The following FLNB variants were observed in gnomAD, a reference collection of about 807,000 sequenced individuals.
FLNB encodes the protein filamin-B.
In FLNB, 111 loss-of-function variants were observed where a neutral mutation model predicts 250.6. The ratio of observed to expected loss-of-function variants is 0.44; its 90% CI spans 0.38 to 0.52. FLNB has a LOEUF of 0.52. FLNB is among the 20% of genes least tolerant of loss of function. The probability of loss-of-function intolerance (pLI) is 0.00; values close to 1 mark genes in which losing one functional copy is unlikely to be tolerated. For synonymous variants in FLNB, 1,302 were observed against 1,372.1 expected (o/e 0.95, Z 1.13); for missense variants, 2,869 against 3,447.8 (o/e 0.83, Z 4.20).
chr3:58,034,933 A>G (rs192845184), intron 1 of FLNB, among the ~76,000 whole-genome samples: 1 of 152,280 alleles, frequency 6.6e-6, no homozygotes, highest in African/African-American at 2.4e-5. Context: ...GGACCAGCCT[A>G]TGTCACCTGC....
At position 58,154,506 on chromosome 3, in the gene FLNB, C is replaced by G. The variant is rs151185127; in HGVS notation, c.6635-285C>G. 480 of 377,032 alleles carry G rather than the reference C, an allele frequency of 1.3e-3. 4 individuals carry two copies. Among genetic ancestry groups the G allele is most frequent in the Non-Finnish European group, 9.3e-4 (186 of 200,138 alleles). The allele number at this position is 377,032 out of a possible 1,614,324, so 23.4% of individuals were successfully genotyped here. A position where few individuals can be genotyped will look rare whatever the true frequency, so the allele number is the denominator to read the frequency against. On this transcript the variant is annotated intron_variant, in intron 39 of 45. Transcript: ENST00000295956. ...CTTGCAGTGAGCTGAGATTGCACCACTGCACTCCAGCCTGGGCAGCAGAGC... is the reference window on the plus strand; with the variant it reads ...CTTGCAGTGAGCTGAGATTGCACCAGTGCACTCCAGCCTGGGCAGCAGAGC...
intron 4 of FLNB, among the ~76,000 whole-genome samples, chr3:58,091,928 A>C (rs2097228301): frequency 6.6e-6 from 1 of 152,232 alleles, no homozygotes; most frequent in African/African-American, 2.4e-5. Flanking sequence ...TTTTACAGTT[A>C]AGAGGATGAA....
chr3:58,141,628 G>A (rs1308717306), intron 29 of FLNB, among the ~76,000 whole-genome samples: 1 of 152,216 alleles, frequency 6.6e-6, no homozygotes, highest in South Asian at 2.1e-4. Context: ...GCCAGCTTAG[G>A]TCTGCGTGCT....
At chr3:58,133,182 GTATTA>G (rs2097310491) in intron 26 of FLNB, among the ~76,000 whole-genome samples, 1 of 152,128 alleles carries the variant, frequency 6.6e-6, no homozygotes, top group African/African-American at 2.4e-5. Context: ...GAGGCAGCAA[GTATTA>G]CATAGAACCT....
intron 27 of FLNB, among the ~76,000 whole-genome samples, chr3:58,135,430 A>G (rs957511459): frequency 6.6e-6 from 1 of 152,148 alleles, no homozygotes; most frequent in Non-Finnish European, 1.5e-5. Context: ...TCACATCCAC[A>G]TGGCAGGCCA....
intron 1 of FLNB, among the ~76,000 whole-genome samples, chr3:58,010,579 C>T (rs535299086): frequency 6.6e-6 from 1 of 152,210 alleles, no homozygotes; most frequent in Non-Finnish European, 1.5e-5. Context: ...CTTTACCATT[C>T]AGAAACCAGC....
chr3:58,129,037 G>A (rs571048085), intron 24 of FLNB, among the ~76,000 whole-genome samples: 6 of 152,184 alleles, frequency 3.9e-5, no homozygotes, highest in African/African-American at 4.8e-5. Flanking sequence ...GGGTACTGCC[G>A]GGAAACAGTC....
At chr3:58,046,396 A>G (rs1385132477) in intron 1 of FLNB, among the ~76,000 whole-genome samples, 1 of 152,088 alleles carries the variant, frequency 6.6e-6, no homozygotes. Context: ...CTTTTAAAGT[A>G]TGCAATTTTT....
chr3:58,167,303 G>A (rs1003966965), intron 43 of FLNB, among the ~76,000 whole-genome samples: 5 of 151,818 alleles, frequency 3.3e-5, no homozygotes, highest in Admixed American at 6.5e-5. Flanking sequence ...ATGAGGTTGA[G>A]ATAGTGTTGG....
intron 1 of FLNB, among the ~76,000 whole-genome samples, chr3:58,056,022 A>G (rs1014157670): frequency 4.6e-5 from 7 of 151,702 alleles, no homozygotes; most frequent in African/African-American, 1.4e-4. Flanking sequence ...CTGCTAATAC[A>G]CCTGTGTTTT....
Position 58,078,754 on chromosome 3 carries a change from G to C in FLNB, c.579G>C (p.Lys193Asn), listed in dbSNP as rs1382369943. Residue 193 changes from lysine (K) to asparagine (N), a missense_variant, in exon 3 of 46, where the codon AAG becomes AAC. Lys to Asn is a moderately conservative substitution (Grantham distance 94). This residue lies in a region of FLNB where 308 missense variants were observed against 466.1 expected (regional missense o/e 0.66). Transcript: ENST00000295956. ...ACTGGGAATCCTGGGACCCGCAGAAGCCTGTGGATAATGCACGAGAAGCCA... is the reference window on the plus strand; with the variant it reads ...ACTGGGAATCCTGGGACCCGCAGAACCCTGTGGATAATGCACGAGAAGCCA... The part of the protein sequence containing the change: ...CPDWESWDPQ[K>N]PVDNAREAMQ... The C allele has an allele frequency of 6.2e-7, 1 of 1,613,862 alleles. No homozygotes were observed. The highest frequency in any genetic ancestry group is 8.5e-7 in the Non-Finnish European group (1 of 1,179,984).
chr3:58,162,828 G>A (rs752771548), intron 42 of FLNB: 12 of 329,598 alleles, frequency 3.6e-5, no homozygotes, highest in Non-Finnish European at 6.9e-5. Context: ...GATTCATCTC[G>A]TGACAGGATT....
rs745886230 is a variant in FLNB at position 58,077,132 on chromosome 3, G to GTGTGGGAGGA, written c.382_391dup (p.Glu131ValfsTer4). The GTGTGGGAGGA allele has an allele frequency of 6.2e-7, 1 of 1,614,154 alleles. No individual in the cohort carries two copies. Among genetic ancestry groups the GTGTGGGAGGA allele is most frequent in the Non-Finnish European group, 8.5e-7 (1 of 1,180,026 alleles). ...CCTCCACTACTCCATCTCCATGCCCGTGTGGGAGGATGAAGGGGATGATGA... is the reference window on the plus strand; with the variant it reads ...CCTCCACTACTCCATCTCCATGCCCGTGTGGGAGGATGTGGGAGGATGAAGGGGATGATGA... On this transcript the variant is annotated frameshift_variant, in exon 2 of 46. Coordinates refer to ENST00000295956, the MANE Select transcript of FLNB (RefSeq NM_001457.4). LOFTEE classifies it high-confidence loss of function.
intron 1 of FLNB, among the ~76,000 whole-genome samples, chr3:58,055,401 CGTG>C (rs1288405626): frequency 2.0e-5 from 3 of 152,118 alleles, no homozygotes; most frequent in Non-Finnish European, 4.4e-5. Context: ...GAGGATAACT[CGTG>C]GTGGTGGGCG....
intron 8 of FLNB, 106 bp downstream of exon 8, chr3:58,099,014 C>G (rs1451882376): frequency 1.2e-5 from 11 of 945,506 alleles, no homozygotes; most frequent in Non-Finnish European, 1.9e-5. Context: ...GACCTTATGC[C>G]TATCCCTTTT....
rs886058766 is a variant in FLNB at position 58,163,197 on chromosome 3, C to T, written c.7065C>T (p.His2355=). ...TCATCCCTCATGAGAATGGTGTCCACACCATCGATGTCAAGTTCAATGGGA... is the reference window on the plus strand; with the variant it reads ...TCATCCCTCATGAGAATGGTGTCCATACCATCGATGTCAAGTTCAATGGGA... ...VRFIPHENGV[H]TIDVKFNGSH... The change falls in exon 43 of 46, where the codon CAC becomes CAT. Residue 2355 remains histidine, a synonymous_variant. Transcript: ENST00000295956. 19 of 1,614,234 alleles carry T rather than the reference C, an allele frequency of 1.2e-5. No individual in the cohort carries two copies. Among genetic ancestry groups the T allele is most frequent in the Non-Finnish European group, 1.4e-5 (17 of 1,180,034 alleles).
chr3:58,168,368 C>A, intron 43 of FLNB, 72 bp from the exon 44 acceptor site: 1 of 1,157,276 alleles, frequency 8.6e-7, no homozygotes, highest in Non-Finnish European at 1.3e-6. Flanking sequence ...GTGTGTCCCT[C>A]ACCACGGCCT....
rs2097260493 is a variant in FLNB at position 58,106,816 on chromosome 3, G to C, written c.1884G>C (p.Lys628Asn). 19 of 1,614,122 alleles carry C rather than the reference G, an allele frequency of 1.2e-5. No homozygotes were observed. Among genetic ancestry groups the C allele is most frequent in the Non-Finnish European group, 1.5e-5 (18 of 1,180,018 alleles). ...TCATGTGTGACGACGAAGACATCAAGGACAGCCCGTACATGGCCTTCATCC... is the reference window on the plus strand; with the variant it reads ...TCATGTGTGACGACGAAGACATCAACGACAGCCCGTACATGGCCTTCATCC... ...VHIMCDDEDI[K>N]DSPYMAFIHP... Residue 628 changes from lysine to asparagine, a missense_variant, in exon 12 of 46, where the codon AAG becomes AAC. Around this residue, in one of 5 missense-constraint regions of FLNB, gnomAD observed 1,348 missense variants for 1,466.7 expected, o/e 0.92. Coordinates refer to ENST00000295956, the MANE Select transcript of FLNB (RefSeq NM_001457.4).
At position 58,008,814 on chromosome 3, in the gene FLNB, C is replaced by G; in HGVS notation, c.250C>G (p.Leu84Val). ...QMQLENVSVA[L>V]EFLDRESIKL... is the part of the protein sequence containing the mutation. ...GCAGCTCGAGAATGTGTCCGTGGCG[C>G]TCGAGTTCCTGGACCGTGAGAGCAT... Residue 84 changes from leucine to valine, a missense_variant, in exon 1 of 46, where the codon CTC becomes GTC. Transcript: ENST00000295956. 1.9e-6 allele frequency: 3 copies of G among 1,613,950 alleles called. No homozygotes were observed. Among genetic ancestry groups the G allele is most frequent in the Non-Finnish European group, 2.5e-6 (3 of 1,179,968 alleles).
Sources: gnomAD v4.1 joint callset for allele counts (sites outside exome capture counted in the v4.1 genomes callset) on GRCh38, gnomAD v4.1.1 for gene constraint, gnomAD v4.1.1 regional missense constraint, MANE v1.5 for transcripts, NCBI Gene and HGNC (gene_info 2026-07-23, HGNC 2026-07-21) for gene names.